FRMD4A: variants seen among roughly 807,000 people sequenced by gnomAD.
FRMD4A encodes FERM domain-containing protein 4A.
FRMD4A carries 29 observed loss-of-function variants against 129.1 expected under a neutral mutation model. The observed-to-expected ratio is 0.22, with a 90% confidence interval of 0.17 to 0.31. The LOEUF (loss-of-function observed/expected upper bound fraction) is 0.31. Among genes scored for constraint, FRMD4A ranks in the 10% least tolerant of loss-of-function variants. FRMD4A has a pLI of 1.00. For synonymous variants in FRMD4A, 634 were observed against 571.6 expected (o/e 1.11, Z -1.56); for missense variants, 1,272 against 1,375.8 (o/e 0.92, Z 1.19).
intron 2 of FRMD4A, among the ~76,000 whole-genome samples, chr10:14,209,830 G>A (rs1031338557): frequency 6.6e-5 from 10 of 152,082 alleles, no homozygotes; most frequent in African/African-American, 2.2e-4. Flanking sequence ...CGTGGCTGCA[G>A]TGAGCTGTGA....
intron 2 of FRMD4A, among the ~76,000 whole-genome samples, chr10:13,986,689 G>GAAAA (rs56326657): frequency 7.1e-6 from 1 of 139,994 alleles, no homozygotes; most frequent in Non-Finnish European, 1.5e-5. Context: ...TAAATATAAG[G>GAAAA]AAAAAAAAAA....
intron 2 of FRMD4A, among the ~76,000 whole-genome samples, chr10:14,081,615 C>T (rs1013316032): frequency 6.6e-6 from 1 of 152,166 alleles, no homozygotes; most frequent in African/African-American, 2.4e-5. Context: ...TATGAAAGTG[C>T]CATCATCCAA....
chr10:13,679,514 G>A (rs2084339571), intron 15 of FRMD4A, among the ~76,000 whole-genome samples: 1 of 95,622 alleles, frequency 1.0e-5, no homozygotes, highest in Non-Finnish European at 2.0e-5. Context: ...CACACACAGT[G>A]TTCACAAACG....
intron 2 of FRMD4A, among the ~76,000 whole-genome samples, chr10:14,090,422 C>T (rs983841306): frequency 2.0e-5 from 3 of 152,144 alleles, no homozygotes; most frequent in Admixed American, 2.0e-4. Flanking sequence ...TGCAGAGCTG[C>T]AGGACAAGAG....
chr10:14,008,486 TG>T lies in FRMD4A; in HGVS notation c.46-149575del, dbSNP rs1270030817. 5.0e-6 allele frequency: 5 copies of T among 993,882 alleles called. No individual in the cohort carries two copies. In the East Asian group the frequency reaches 5.2e-4, roughly 103 times the overall value. The allele number at this position is 993,882 out of a possible 1,614,324, so 61.6% of individuals were successfully genotyped here. Reference sequence around the variant, plus strand: ...CCCGCTTGTGGGCAAGTGACGCGTCTGGGGAGAGTGATCCAGAAATGTCAAC... The same window carrying T: ...CCCGCTTGTGGGCAAGTGACGCGTCTGGGAGAGTGATCCAGAAATGTCAAC... On this transcript the variant is annotated intron_variant, in intron 2 of 24. Coordinates refer to ENST00000357447, the MANE Select transcript of FRMD4A (RefSeq NM_018027.5).
intron 2 of FRMD4A, among the ~76,000 whole-genome samples, chr10:14,279,585 G>T (rs1845452836): frequency 6.6e-6 from 1 of 152,138 alleles, no homozygotes; most frequent in African/African-American, 2.4e-5. Context: ...CTTCTTCCAA[G>T]AAAGACAGTT....
At chr10:14,060,779 G>T (rs1301716178) in intron 2 of FRMD4A, among the ~76,000 whole-genome samples, 1 of 152,108 alleles carries the variant, frequency 6.6e-6, no homozygotes, top group East Asian at 1.9e-4. Flanking sequence ...GGGACAAATG[G>T]CTGGCCACTT....
chr10:14,105,666 GGTTT>G (rs937142462), intron 2 of FRMD4A, among the ~76,000 whole-genome samples: 4 of 152,104 alleles, frequency 2.6e-5, no homozygotes, highest in African/African-American at 7.2e-5. Context: ...TGAAAAAGTT[GGTTT>G]GTTTGAAGCA....
chr10:13,666,572 C>T (rs754609964), intron 17 of FRMD4A, among the ~76,000 whole-genome samples: 4 of 152,196 alleles, frequency 2.6e-5, no homozygotes, highest in East Asian at 3.9e-4. Flanking sequence ...AGAGTTCCCA[C>T]GATGCAGGTT....
At chr10:13,730,859 C>CAAATAAAA (rs2090272171) in intron 12 of FRMD4A, among the ~76,000 whole-genome samples, 1 of 90,854 alleles carries the variant, frequency 1.1e-5, no homozygotes, top group East Asian at 3.4e-4. Context: ...ACTAAAAATA[C>CAAATAAAA]AAAAAAAAAA....
At position 14,085,986 on chromosome 10, in the gene FRMD4A, C is replaced by T. The variant is rs146978888; in HGVS notation, c.46-227074G>A. On this transcript the variant is annotated intron_variant, in intron 2 of 24. Coordinates refer to ENST00000357447, the MANE Select transcript of FRMD4A (RefSeq NM_018027.5). ...CCTCTGTCTTCCACTTTAATACGAG[C>T]GCCAGTAAATATTTTATGCCGAGGT... is the stretch of plus-strand genomic sequence containing the variant. 4.5e-4 allele frequency among the ~76,000 whole-genome samples: 69 copies of T among 152,168 alleles called. 1 individual carries two copies. The highest frequency in any genetic ancestry group is 3.9e-3 in the Admixed American group (60 of 15,294).
chr10:14,330,301 A>T, intron 1 of FRMD4A, 118 bp from the exon 2 acceptor site: 1 of 496,036 alleles, frequency 2.0e-6, no homozygotes, highest in Non-Finnish European at 3.6e-6. Context: ...AACTGTGCTT[A>T]GGGAGGAAAA....
intron 2 of FRMD4A, among the ~76,000 whole-genome samples, chr10:14,236,855 A>C (rs142590937): frequency 1.3e-5 from 2 of 152,226 alleles, no homozygotes; most frequent in African/African-American, 4.8e-5. Flanking sequence ...CCTGCTCCTG[A>C]GTGACCCTGG....
intron 3 of FRMD4A, among the ~76,000 whole-genome samples, chr10:13,850,491 G>A (rs930432692): frequency 6.6e-6 from 1 of 152,184 alleles, no homozygotes; most frequent in South Asian, 2.1e-4. Context: ...ACTTACGCAG[G>A]ACGCACAAGT....
chr10:14,087,815 A>G (rs1161290659), intron 2 of FRMD4A, among the ~76,000 whole-genome samples: 1 of 152,218 alleles, frequency 6.6e-6, no homozygotes, highest in Non-Finnish European at 1.5e-5. Flanking sequence ...AGTAACTTAC[A>G]ATCAGTAATT....
At chr10:13,718,924 T>C (rs2134965638) in intron 12 of FRMD4A, among the ~76,000 whole-genome samples, 1 of 152,360 alleles carries the variant, frequency 6.6e-6, no homozygotes, top group South Asian at 2.1e-4. Flanking sequence ...TCCTGGCACC[T>C]AGCATGTACC....
At chr10:14,138,333 G>A (rs1839651386) in intron 2 of FRMD4A, among the ~76,000 whole-genome samples, 1 of 152,140 alleles carries the variant, frequency 6.6e-6, no homozygotes, top group Non-Finnish European at 1.5e-5. Flanking sequence ...CCTCTCTACA[G>A]CCTCTTCCTA....
chr10:14,239,748 G>A (rs919259573), intron 2 of FRMD4A, among the ~76,000 whole-genome samples: 4 of 152,212 alleles, frequency 2.6e-5, no homozygotes, highest in African/African-American at 4.8e-5. Flanking sequence ...TGACTGTTGA[G>A]ATTGCACAGA....
chr10:14,275,404 T>C (rs1236700899), intron 2 of FRMD4A, among the ~76,000 whole-genome samples: 5 of 152,352 alleles, frequency 3.3e-5, no homozygotes, highest in African/African-American at 1.2e-4. Context: ...TATCGCAACC[T>C]TATCTTTCCT....
Sources: gnomAD v4.1 joint callset for allele counts (sites outside exome capture counted in the v4.1 genomes callset) on GRCh38, gnomAD v4.1.1 for gene constraint, MANE v1.5 for transcripts, NCBI Gene and HGNC (gene_info 2026-07-23, HGNC 2026-07-21) for gene names.